ROR1: variants seen among roughly 807,000 people sequenced by gnomAD.
The protein encoded by ROR1 is inactive tyrosine-protein kinase transmembrane receptor ROR1.
Under a neutral mutation model 78.8 loss-of-function variants are expected in ROR1, and 19 were observed. The observed-to-expected ratio is 0.24, with a 90% CI of 0.17 to 0.35. ROR1 has a LOEUF of 0.35. Ranked by LOEUF, ROR1 falls within the 10% of genes least tolerant of loss-of-function variation. The pLI is 1.00. For synonymous variants in ROR1, 386 were observed against 433.6 expected (o/e 0.89, Z 1.36); for missense variants, 917 against 1,177.8 (o/e 0.78, Z 3.24).
intron 4 of ROR1, among the ~76,000 whole-genome samples, chr1:64,079,324 G>A (rs887645949): frequency 6.6e-6 from 1 of 152,136 alleles, no homozygotes; most frequent in Non-Finnish European, 1.5e-5. Flanking sequence ...TGGAAATTTG[G>A]TATGCTTAAT....
chr1:64,026,407 T>G (rs1361346224), intron 2 of ROR1, among the ~76,000 whole-genome samples: 1 of 152,242 alleles, frequency 6.6e-6, no homozygotes, highest in Non-Finnish European at 1.5e-5. Flanking sequence ...TGCTATTTTA[T>G]TTAGCAGTTA....
intron 1 of ROR1, among the ~76,000 whole-genome samples, chr1:63,991,615 G>A (rs953237891): frequency 6.6e-6 from 1 of 152,180 alleles, no homozygotes; most frequent in Non-Finnish European, 1.5e-5. Flanking sequence ...ATATGGGCCT[G>A]TTGTCTTCCA....
intron 1 of ROR1, among the ~76,000 whole-genome samples, chr1:63,962,779 A>T (rs1646040371): frequency 6.6e-6 from 1 of 152,180 alleles, no homozygotes; most frequent in South Asian, 2.1e-4. Context: ...CACAGTGTAT[A>T]GCAAGTGAAG....
At chr1:63,938,607 A>G (rs997354361) in intron 1 of ROR1, among the ~76,000 whole-genome samples, 3 of 152,274 alleles carry the variant, frequency 2.0e-5, no homozygotes, top group East Asian at 3.9e-4. Context: ...GTTCAATGAA[A>G]TCTCCGTGAA....
chr1:64,143,249 G>A (rs1649379607), intron 7 of ROR1: 1 of 988,646 alleles, frequency 1.0e-6, no homozygotes, highest in Non-Finnish European at 1.2e-6. Context: ...GCCAAGCATG[G>A]TGGCTTATAC....
At chr1:64,138,991 C>T (rs1357721184) in intron 5 of ROR1, among the ~76,000 whole-genome samples, 1 of 151,748 alleles carries the variant, frequency 6.6e-6, no homozygotes, top group Non-Finnish European at 1.5e-5. Flanking sequence ...AGCAAAACCA[C>T]ATCTCTACTA....
Position 64,014,067 on chromosome 1 carries a change from A to G in ROR1, c.163+4691A>G, listed in dbSNP as rs536573600. ...ATGGAGGGGAAGTGCCAGGATTCCC[A>G]CCAAGGCCTCAGGGCCAGGTCCAAG... On this transcript the variant is annotated intron_variant, in intron 2 of 8. Transcript: ENST00000371079. Among the ~76,000 whole-genome samples, 20 of 152,350 alleles carry G rather than the reference A, an allele frequency of 1.3e-4. 1 individual carries two copies. In the South Asian group the frequency reaches 3.9e-3, roughly 30 times the overall value.
intron 1 of ROR1, among the ~76,000 whole-genome samples, chr1:63,916,406 A>G (rs855820): frequency 0.85 from 129,943 of 152,162 alleles, 55,974 homozygotes; most frequent in East Asian, 0.99. Flanking sequence ...GCCTAATAAC[A>G]TGGTAATAGG....
intron 1 of ROR1, among the ~76,000 whole-genome samples, chr1:63,908,417 CAGA>C (rs1645544626): frequency 6.6e-6 from 1 of 152,056 alleles, no homozygotes; most frequent in South Asian, 2.1e-4. Flanking sequence ...CTTTGGTAAA[CAGA>C]AGTTTATTAT....
At chr1:63,992,169 TGGAATA>T (rs1375353770) in intron 1 of ROR1, among the ~76,000 whole-genome samples, 2 of 151,754 alleles carry the variant, frequency 1.3e-5, no homozygotes, top group African/African-American at 4.8e-5. Context: ...CAAATATCTG[TGGAATA>T]GGTTAATTAT....
intron 2 of ROR1, among the ~76,000 whole-genome samples, chr1:64,018,001 G>GT (rs931772985): frequency 3.3e-5 from 5 of 151,580 alleles, no homozygotes; most frequent in African/African-American, 1.2e-4. Flanking sequence ...TTCCCAGGCT[G>GT]TTTTTTCCTT....
intron 7 of ROR1, among the ~76,000 whole-genome samples, chr1:64,150,399 T>A (rs1649587729): frequency 6.6e-6 from 1 of 152,266 alleles, no homozygotes; most frequent in Non-Finnish European, 1.5e-5. Context: ...TGACTTGTCC[T>A]ATAATCTTAC....
intron 4 of ROR1, among the ~76,000 whole-genome samples, chr1:64,117,885 C>T (rs1372199733): frequency 1.3e-5 from 2 of 152,006 alleles, no homozygotes; most frequent in Non-Finnish European, 2.9e-5. Flanking sequence ...GATCAGTTCA[C>T]GCATTTTGTC....
intron 4 of ROR1, among the ~76,000 whole-genome samples, chr1:64,089,587 A>G (rs1350825447): frequency 6.6e-6 from 1 of 152,216 alleles, no homozygotes; most frequent in Admixed American, 6.5e-5. Context: ...AAGTGGCTGG[A>G]AAGGACACAT....
intron 1 of ROR1, among the ~76,000 whole-genome samples, chr1:63,930,086 G>A (rs180955786): frequency 6.6e-6 from 1 of 152,198 alleles, no homozygotes; most frequent in East Asian, 1.9e-4. Flanking sequence ...ATCTACATTA[G>A]ATATTTCTCC....
chr1:63,782,389 G>A (rs1362368583), intron 1 of ROR1, among the ~76,000 whole-genome samples: 9 of 151,954 alleles, frequency 5.9e-5, no homozygotes, highest in African/African-American at 1.5e-4. Context: ...ATCCTTCTTC[G>A]GTGGCTTGAC....
chr1:64,141,436 G>C (rs555966486), intron 6 of ROR1, among the ~76,000 whole-genome samples: 2 of 152,126 alleles, frequency 1.3e-5, no homozygotes, highest in South Asian at 4.2e-4. Flanking sequence ...TACCACGGGG[G>C]GTTTGTGCTA....
At position 64,180,681 on chromosome 1, in the gene ROR1, A is replaced by G. The variant is rs907405733; in HGVS notation, c.*1826A>G. ...ATTTGTATCCTTTTGTTGCTATGCA[A>G]CTGTTTAATGATGAAGCTTCAAACC... On this transcript the variant is annotated 3_prime_UTR_variant, in exon 9 of 9. Coordinates refer to ENST00000371079, the MANE Select transcript of ROR1 (RefSeq NM_005012.4). The G allele has an allele frequency of 1.3e-5, 2 of 152,194 alleles. No homozygotes were observed. Among genetic ancestry groups the G allele is most frequent in the Non-Finnish European group, 1.5e-5 (1 of 67,990 alleles). The allele number at this position is 152,194 out of a possible 1,614,324, so 9.4% of individuals were successfully genotyped here. A position where few individuals can be genotyped will look rare whatever the true frequency, so the allele number is the denominator to read the frequency against.
At chr1:64,017,551 T>C (rs1363826881) in intron 2 of ROR1, among the ~76,000 whole-genome samples, 1 of 152,122 alleles carries the variant, frequency 6.6e-6, no homozygotes, top group Non-Finnish European at 1.5e-5. Context: ...TCAGCCCCCC[T>C]GCCATCCAGC....
Sources: gnomAD v4.1 joint callset for allele counts (sites outside exome capture counted in the v4.1 genomes callset) on GRCh38, gnomAD v4.1.1 for gene constraint, MANE v1.5 for transcripts, NCBI Gene and HGNC (gene_info 2026-07-23, HGNC 2026-07-21) for gene names.